The following DYTN variants were observed in gnomAD, a reference collection of about 807,000 sequenced individuals.
DYTN encodes dystrotelin.
Under a neutral mutation model 69.6 loss-of-function variants are expected in DYTN, and 75 were observed. The observed-to-expected ratio is 1.08, with a 90% CI of 0.89 to 1.31. The LOEUF (loss-of-function observed/expected upper bound fraction) is 1.31. Ranked by LOEUF, DYTN falls within the 50% of genes most tolerant of loss-of-function variation. The pLI is 0.00. For missense variants in DYTN, 726 were observed against 688.4 expected, an observed-to-expected ratio of 1.05 and a Z score of -0.61; for synonymous variants, 252 against 249.1, an observed-to-expected ratio of 1.01 and a Z score of -0.11.
rs147152779 is a variant in DYTN at position 206,703,094 on chromosome 2, G to A, written c.483+1749C>T. Among the ~76,000 whole-genome samples, 302 of 152,228 alleles carry A rather than the reference G, an allele frequency of 2.0e-3. 1 individual carries two copies. The highest frequency in any genetic ancestry group is 6.9e-3 in the African/African-American group (285 of 41,548). Reference sequence around the variant, plus strand: ...CCTTCTCAGGAGCATACTGATGCCTGGGGTGCGGGTAGGGGCGGAGTGCTG... The same window carrying A: ...CCTTCTCAGGAGCATACTGATGCCTAGGGTGCGGGTAGGGGCGGAGTGCTG... On this transcript the variant is annotated intron_variant, in intron 5 of 11. Coordinates refer to ENST00000452335, the MANE Select transcript of DYTN (RefSeq NM_001093730.1).
chr2:206,686,111 C>G (rs1163048656), intron 9 of DYTN, among the ~76,000 whole-genome samples: 1 of 152,094 alleles, frequency 6.6e-6, no homozygotes, highest in Non-Finnish European at 1.5e-5. Flanking sequence ...GAGTGCTCAG[C>G]TACTTTCATT....
intron 11 of DYTN, among the ~76,000 whole-genome samples, chr2:206,653,536 A>C (rs1699411438): frequency 6.6e-6 from 1 of 152,250 alleles, no homozygotes; most frequent in Admixed American, 6.5e-5. Flanking sequence ...TCTTCGAATA[A>C]ATCAGGGATG....
intron 11 of DYTN, among the ~76,000 whole-genome samples, chr2:206,659,931 C>T (rs1175032705): frequency 6.7e-6 from 1 of 149,810 alleles, no homozygotes; most frequent in African/African-American, 2.5e-5. Context: ...TTTTAAATCT[C>T]AACAATTAGT....
intron 9 of DYTN, among the ~76,000 whole-genome samples, chr2:206,667,174 C>A (rs1466897250): frequency 6.6e-6 from 1 of 152,170 alleles, no homozygotes; most frequent in Non-Finnish European, 1.5e-5. Context: ...AAAGTCCTTA[C>A]AGAGGTGGAC....
chr2:206,683,775 C>T (rs556663851), intron 9 of DYTN, among the ~76,000 whole-genome samples: 2 of 152,058 alleles, frequency 1.3e-5, no homozygotes, highest in Non-Finnish European at 2.9e-5. Context: ...CCAAGCATGC[C>T]CCCACTTGGT....
intron 7 of DYTN, among the ~76,000 whole-genome samples, chr2:206,697,601 A>C (rs1213679391): frequency 6.6e-6 from 1 of 152,240 alleles, no homozygotes; most frequent in Non-Finnish European, 1.5e-5. Context: ...TTAGAGCTAA[A>C]GAAGTCTCAG....
At position 206,693,291 on chromosome 2, in the gene DYTN, G is replaced by A. The variant is rs1328986802; in HGVS notation, c.864C>T (p.Phe288=). 1 of 1,613,132 alleles carries A rather than the reference G, an allele frequency of 6.2e-7. No individual in the cohort carries two copies. The highest frequency in any genetic ancestry group is 1.3e-5 in the African/African-American group (1 of 75,034). ...GAAGAAGGTTGTTTCTGAGGGTCCT[G>A]AAGAGAAGTTTTGTATTCTGCATTG... ...MSAMQNTKLL[F]RTLRNNLLQG... Residue 288 remains phenylalanine (F), a synonymous_variant, in exon 9 of 12, where the codon TTC becomes TTT. Transcript: ENST00000452335.
chr2:206,710,583 A>T lies in DYTN; in HGVS notation c.35T>A (p.Ile12Asn). ...GGCTGTTCTATAAATGGAATTCTCA[A>T]TACTATTAAGAGCATCTGTAAAGAA... ...DPDKQDALNS[I>N]ENSIYRTAFK... is the part of the protein sequence containing the mutation. The change falls in exon 2 of 12, where the codon ATT (isoleucine) becomes AAT (asparagine). Residue 12 changes from isoleucine to asparagine, a missense_variant. Ile to Asn is a moderately radical substitution (Grantham distance 149). Transcript: ENST00000452335. 1 of 1,610,104 alleles carries T rather than the reference A, an allele frequency of 6.2e-7. No homozygotes were observed. The highest frequency in any genetic ancestry group is 8.5e-7 in the Non-Finnish European group (1 of 1,177,982).
At chr2:206,692,845 T>G (rs1473417672) in intron 9 of DYTN, among the ~76,000 whole-genome samples, 2 of 152,064 alleles carry the variant, frequency 1.3e-5, no homozygotes, top group African/African-American at 4.8e-5. Context: ...TGAATTAGCC[T>G]TCCAAAAGCA....
At chr2:206,652,678 T>C (rs1241925625) in intron 11 of DYTN, among the ~76,000 whole-genome samples, 1 of 152,204 alleles carries the variant, frequency 6.6e-6, no homozygotes, top group Non-Finnish European at 1.5e-5. Flanking sequence ...ATTTTAAAAA[T>C]GACATTGCTC....
At chr2:206,660,205 A>G (rs1025355884) in intron 11 of DYTN, among the ~76,000 whole-genome samples, 4 of 152,218 alleles carry the variant, frequency 2.6e-5, no homozygotes, top group Admixed American at 2.6e-4. Flanking sequence ...TTTATACATT[A>G]TTGCATCAAC....
chr2:206,715,409 C>A lies in DYTN; in HGVS notation c.19+2852G>T, dbSNP rs10180353. 9.8e-3 allele frequency among the ~76,000 whole-genome samples: 1,493 copies of A among 152,176 alleles called. 18 individuals are homozygous for A. The highest frequency in any genetic ancestry group is 0.03 in the African/African-American group (1,244 of 41,512). On this transcript the variant is annotated intron_variant, in intron 1 of 11. Transcript: ENST00000452335. ...GCATCCTTATCCAGCACAGGGAGCC[C>A]GCCAGCTGCCCGTATATATCAGGGC...
intron 10 of DYTN, 88 bp from the exon 11 acceptor site, chr2:206,663,483 A>C: frequency 7.3e-7 from 1 of 1,367,422 alleles, no homozygotes; most frequent in South Asian, 1.7e-5. Context: ...CCAACAGAAC[A>C]TTCTAATGCA....
chr2:206,673,534 G>A (rs1039584780), intron 9 of DYTN, among the ~76,000 whole-genome samples: 1 of 152,144 alleles, frequency 6.6e-6, no homozygotes, highest in African/African-American at 2.4e-5. Flanking sequence ...GGGGTTACAG[G>A]CATGAGCCAC....
At chr2:206,666,736 TGC>T (rs1410019495) in intron 9 of DYTN, among the ~76,000 whole-genome samples, 3 of 112,344 alleles carry the variant, frequency 2.7e-5, no homozygotes, top group South Asian at 5.7e-4. Flanking sequence ...CTCATGGGTG[TGC>T]GTGTGTGTGT....
chr2:206,715,548 T>C (rs981067739), intron 1 of DYTN, among the ~76,000 whole-genome samples: 2 of 152,138 alleles, frequency 1.3e-5, no homozygotes, highest in South Asian at 4.1e-4. Context: ...GGAGAAGAGA[T>C]GTTCACTCAG....
chr2:206,675,901 A>C (rs1175434173), intron 9 of DYTN, among the ~76,000 whole-genome samples: 1 of 152,236 alleles, frequency 6.6e-6, no homozygotes, highest in African/African-American at 2.4e-5. Context: ...AGCCAGTTAG[A>C]AAGATGATCA....
At chr2:206,689,879 T>G (rs28429912) in intron 9 of DYTN, among the ~76,000 whole-genome samples, 3,181 of 152,268 alleles carry the variant, frequency 0.021, 121 homozygotes, top group African/African-American at 0.072. Context: ...CATTCATTCA[T>G]TCAGTCAGTC....
At chr2:206,682,269 TC>T (rs1193022788) in intron 9 of DYTN, among the ~76,000 whole-genome samples, 1 of 152,188 alleles carries the variant, frequency 6.6e-6, no homozygotes, top group African/African-American at 2.4e-5. Flanking sequence ...TTCTTTCTTT[TC>T]TTCTGTATTA....
Sources: allele counts gnomAD v4.1 joint callset (sites outside exome capture counted in the v4.1 genomes callset), GRCh38; gene constraint gnomAD v4.1.1; transcripts MANE v1.5; gene names NCBI Gene and HGNC (gene_info 2026-07-23, HGNC 2026-07-21).